The following EXOC2 variants were observed in gnomAD, a reference collection of about 807,000 sequenced individuals.
The protein encoded by EXOC2 is exocyst complex component 2, also known as SEC5-like 1.
EXOC2 carries 70 observed loss-of-function variants against 131.8 expected under a neutral mutation model. The ratio of observed to expected loss-of-function variants is 0.53; its 90% CI spans 0.44 to 0.65. The LOEUF (loss-of-function observed/expected upper bound fraction) is 0.65, where lower values mean the gene tolerates loss of function less well. Among genes scored for constraint, EXOC2 ranks in the 30% least tolerant of loss-of-function variants. EXOC2 has a pLI of 0.00. For synonymous variants in EXOC2, 411 were observed against 398.4 expected (o/e 1.03, Z -0.38); for missense variants, 923 against 1,108.6 (o/e 0.83, Z 2.38).
At chr6:553,735 C>T in intron 21 of EXOC2, 119 bp downstream of exon 21, 1 of 744,580 alleles carries the variant, frequency 1.3e-6, no homozygotes, top group Non-Finnish European at 2.3e-6. Flanking sequence ...CTCCAAAGCA[C>T]AGCACAGTGT....
intron 22 of EXOC2, among the ~76,000 whole-genome samples, chr6:541,533 T>A (rs1328500991): frequency 2.0e-5 from 3 of 151,966 alleles, no homozygotes; most frequent in Non-Finnish European, 4.4e-5. Context: ...AAACAAGCGA[T>A]AGTAAGTACA....
chr6:692,868 G>T (rs1765014606), intron 1 of EXOC2, among the ~76,000 whole-genome samples, 151 bp downstream of exon 1: 1 of 152,174 alleles, frequency 6.6e-6, no homozygotes, highest in African/African-American at 2.4e-5. Flanking sequence ...GCGGGGGGTC[G>T]CGGGGCCCCG....
intron 1 of EXOC2, among the ~76,000 whole-genome samples, chr6:651,227 G>C (rs1036458803): frequency 6.6e-6 from 1 of 151,938 alleles, no homozygotes; most frequent in South Asian, 2.1e-4. Flanking sequence ...TAGAGACGGG[G>C]TTTCACTATG....
chr6:576,674 G>A (rs1758594965), intron 12 of EXOC2, 83 bp downstream of exon 12: 1 of 1,548,560 alleles, frequency 6.5e-7, no homozygotes, highest in South Asian at 1.2e-5. Context: ...AACACAAATT[G>A]GGGAATTTTC....
chr6:571,972 G>A (rs1303693499), intron 13 of EXOC2, among the ~76,000 whole-genome samples: 2 of 152,236 alleles, frequency 1.3e-5, no homozygotes, highest in Non-Finnish European at 2.9e-5. Context: ...ATATGATGAT[G>A]AAGATACTAA....
intron 10 of EXOC2, among the ~76,000 whole-genome samples, chr6:594,802 G>A (rs974322419): frequency 6.6e-6 from 1 of 152,048 alleles, no homozygotes; most frequent in South Asian, 2.1e-4. Flanking sequence ...ACTTGTGCTG[G>A]GCTCTTCAAA....
At chr6:668,787 C>T (rs1003536633) in intron 1 of EXOC2, among the ~76,000 whole-genome samples, 5 of 152,234 alleles carry the variant, frequency 3.3e-5, no homozygotes, top group Non-Finnish European at 7.3e-5. Context: ...AACCCACACA[C>T]ATCCACCAGC....
chr6:625,495 C>T (rs1340224772), intron 4 of EXOC2, among the ~76,000 whole-genome samples: 2 of 146,942 alleles, frequency 1.4e-5, no homozygotes, highest in East Asian at 2.0e-4. Context: ...TGTTGTATTA[C>T]GTATTATAAG....
At chr6:571,789 A>G (rs1165273870) in intron 13 of EXOC2, among the ~76,000 whole-genome samples, 1 of 152,184 alleles carries the variant, frequency 6.6e-6, no homozygotes, top group Non-Finnish European at 1.5e-5. Context: ...CTGTCTTCTC[A>G]GTCTCCCACG....
chr6:572,716 C>A, intron 12 of EXOC2, 72 bp from the exon 13 acceptor site: 2 of 1,523,492 alleles, frequency 1.3e-6, no homozygotes, highest in Non-Finnish European at 8.9e-7. Flanking sequence ...CATATTGGCG[C>A]ACCCCCCTCC....
chr6:627,299 T>G (rs1030839815), intron 4 of EXOC2, among the ~76,000 whole-genome samples: 13 of 151,014 alleles, frequency 8.6e-5, no homozygotes, highest in Admixed American at 2.6e-4. Flanking sequence ...GCCAAAAGCA[T>G]TATCTTCTCT....
intron 1 of EXOC2, among the ~76,000 whole-genome samples, chr6:642,860 TA>T (rs1762417021): frequency 6.6e-6 from 1 of 151,882 alleles, no homozygotes; most frequent in Non-Finnish European, 1.5e-5. Context: ...TCTAAAGATA[TA>T]TAGTTCTTTA....
intron 11 of EXOC2, among the ~76,000 whole-genome samples, chr6:581,979 A>G (rs961563921): frequency 2.0e-5 from 3 of 152,234 alleles, no homozygotes; most frequent in African/African-American, 7.2e-5. Context: ...AAACAGTTGG[A>G]AAATTTGTTT....
chr6:642,762 T>C (rs1762412090), intron 1 of EXOC2, among the ~76,000 whole-genome samples: 1 of 152,154 alleles, frequency 6.6e-6, no homozygotes, highest in Non-Finnish European at 1.5e-5. Flanking sequence ...AAAAATACAC[T>C]GATTAGGCTG....
At chr6:489,884 G>A (rs933500496) in intron 26 of EXOC2, among the ~76,000 whole-genome samples, 6 of 152,178 alleles carry the variant, frequency 3.9e-5, no homozygotes, top group Non-Finnish European at 7.3e-5. Flanking sequence ...CAGAGAGAAA[G>A]ACTGAAAAGT....
intron 27 of EXOC2, among the ~76,000 whole-genome samples, chr6:487,551 T>C (rs1012200401): frequency 1.3e-5 from 2 of 151,992 alleles, no homozygotes; most frequent in Non-Finnish European, 2.9e-5. Context: ...AAACTACAGG[T>C]GCCCGCCACC....
chr6:535,723 T>C (rs1356196157), intron 22 of EXOC2, among the ~76,000 whole-genome samples: 1 of 152,164 alleles, frequency 6.6e-6, no homozygotes, highest in Non-Finnish European at 1.5e-5. Context: ...CTACCAAGCA[T>C]GTAAGGAAGA....
chr6:539,168 C>T (rs1006479831), intron 22 of EXOC2, among the ~76,000 whole-genome samples: 2 of 151,988 alleles, frequency 1.3e-5, no homozygotes, highest in Admixed American at 1.3e-4. Context: ...ATCATAAGTT[C>T]AGGAATATCT....
chr6:631,839 T>C (rs1207935887), intron 3 of EXOC2, among the ~76,000 whole-genome samples: 2 of 152,206 alleles, frequency 1.3e-5, no homozygotes, highest in Non-Finnish European at 2.9e-5. Context: ...CATGTACATA[T>C]ATAAAGTCCA....
Sources: gnomAD v4.1 joint callset for allele counts (sites outside exome capture counted in the v4.1 genomes callset) on GRCh38, gnomAD v4.1.1 for gene constraint, MANE v1.5 for transcripts, NCBI Gene and HGNC (gene_info 2026-07-23, HGNC 2026-07-21) for gene names.